The following DCC variants were observed in gnomAD, a reference collection of about 807,000 sequenced individuals.
DCC encodes the protein DCC netrin 1 receptor, also known as netrin receptor DCC.
In DCC, 58 loss-of-function variants were observed where a neutral mutation model predicts 172.5. The ratio of observed to expected loss-of-function variants is 0.34; its 90% CI spans 0.27 to 0.42. The LOEUF is 0.42. DCC is among the 10% of genes least tolerant of loss of function. The pLI is 1.00. For synonymous variants in DCC, 709 were observed against 644.5 expected (o/e 1.10, Z -1.52); for missense variants, 1,740 against 1,791.0 (o/e 0.97, Z 0.51).
intron 7 of DCC, among the ~76,000 whole-genome samples, chr18:53,081,473 A>G (rs1599108099): frequency 6.6e-6 from 1 of 151,890 alleles, no homozygotes; most frequent in Admixed American, 6.6e-5. Context: ...AGCAGTCTCT[A>G]TTGGGTATCA....
intron 1 of DCC, among the ~76,000 whole-genome samples, chr18:52,420,604 C>T (rs1987214836): frequency 6.6e-6 from 1 of 152,166 alleles, no homozygotes; most frequent in African/African-American, 2.4e-5. Context: ...AATCAATGAC[C>T]CAGACAAGGC....
intron 23 of DCC, among the ~76,000 whole-genome samples, chr18:53,454,254 G>A (rs972319251): frequency 6.6e-6 from 1 of 152,116 alleles, no homozygotes; most frequent in Non-Finnish European, 1.5e-5. Flanking sequence ...CTGAGGTTGG[G>A]GGATCACTTA....
chr18:52,565,139 A>G (rs1479296673), intron 1 of DCC, among the ~76,000 whole-genome samples: 2 of 152,070 alleles, frequency 1.3e-5, no homozygotes, highest in Non-Finnish European at 2.9e-5. Flanking sequence ...ATGTACTTTT[A>G]AACATTTATA....
chr18:53,208,333 G>A (rs1447279523), intron 11 of DCC, among the ~76,000 whole-genome samples: 1 of 151,712 alleles, frequency 6.6e-6, no homozygotes, highest in African/African-American at 2.4e-5. Context: ...TCTTGAGTCA[G>A]TATATACTAA....
intron 5 of DCC, among the ~76,000 whole-genome samples, chr18:52,962,224 G>A (rs1348689373): frequency 2.6e-5 from 4 of 151,742 alleles, no homozygotes; most frequent in African/African-American, 7.3e-5. Context: ...CAAAGGGCTA[G>A]TATCCAGAAT....
At chr18:52,841,979 A>T (rs1050276176) in intron 2 of DCC, among the ~76,000 whole-genome samples, 1 of 144,436 alleles carries the variant, frequency 6.9e-6, no homozygotes, top group Non-Finnish European at 1.5e-5. Context: ...AAGTTTGAGG[A>T]TATTCCAGAA....
At chr18:52,361,647 G>A (rs777640577) in intron 1 of DCC, among the ~76,000 whole-genome samples, 2 of 152,200 alleles carry the variant, frequency 1.3e-5, no homozygotes, top group Non-Finnish European at 2.9e-5. Context: ...TCACATGAGA[G>A]CATATTAGAA....
chr18:53,233,538 T>C (rs1172882215), intron 12 of DCC, among the ~76,000 whole-genome samples: 1 of 152,138 alleles, frequency 6.6e-6, no homozygotes, highest in African/African-American at 2.4e-5. Context: ...AAGGTCAACA[T>C]ATTTATCATA....
intron 5 of DCC, among the ~76,000 whole-genome samples, chr18:52,971,399 T>C (rs1041268547): frequency 2.6e-5 from 4 of 152,230 alleles, no homozygotes; most frequent in Admixed American, 2.0e-4. Flanking sequence ...GTTAGTAGAA[T>C]TGGCATCAGA....
chr18:52,664,714 G>A (rs1046737965), intron 1 of DCC, among the ~76,000 whole-genome samples: 8 of 151,592 alleles, frequency 5.3e-5, no homozygotes, highest in East Asian at 1.9e-4. Flanking sequence ...CTCGTGATCC[G>A]CCCGCCTCGG....
At chr18:52,608,865 C>T (rs984957390) in intron 1 of DCC, among the ~76,000 whole-genome samples, 17 of 152,074 alleles carry the variant, frequency 1.1e-4, no homozygotes, top group Non-Finnish European at 2.2e-4. Context: ...TGCCATCTGC[C>T]CTGAGATATG....
intron 1 of DCC, among the ~76,000 whole-genome samples, chr18:52,597,607 C>T (rs1192144861): frequency 2.6e-5 from 4 of 152,252 alleles, no homozygotes; most frequent in African/African-American, 7.2e-5. Context: ...CCCTTGGCAT[C>T]GGGTGCCAAA....
At chr18:52,791,012 T>G (rs915353722) in intron 2 of DCC, among the ~76,000 whole-genome samples, 2 of 152,080 alleles carry the variant, frequency 1.3e-5, no homozygotes, top group Non-Finnish European at 2.9e-5. Flanking sequence ...GGTTAAGAGC[T>G]AAGGTGGCGG....
chr18:53,131,229 GA>G (rs892308678), intron 7 of DCC, among the ~76,000 whole-genome samples: 1 of 151,892 alleles, frequency 6.6e-6, no homozygotes, highest in African/African-American at 2.4e-5. Flanking sequence ...TACTATCTTT[GA>G]AAAAAATACA....
rs115403125 is a variant in DCC at position 53,278,292 on chromosome 18, A to T, written c.1912-27286A>T. Among the ~76,000 whole-genome samples the T allele has an allele frequency of 1.6e-3, 248 of 152,236 alleles. 2 individuals are homozygous for T. Among genetic ancestry groups the T allele is most frequent in the African/African-American group, 5.3e-3 (220 of 41,564 alleles). ...CTAGAAAAGACTAGAATTTTCCTTT[A>T]TATGGAAAGAAATATTTTCTTTCAG... On this transcript the variant is annotated intron_variant, in intron 12 of 28. Transcript: ENST00000442544.
chr18:53,380,417 T>C (rs1018099347), intron 15 of DCC, among the ~76,000 whole-genome samples: 4 of 152,170 alleles, frequency 2.6e-5, no homozygotes, highest in Admixed American at 2.0e-4. Context: ...ATCAAAGCAC[T>C]ATAGCCCACT....
chr18:52,918,041 G>A (rs988744225), intron 3 of DCC, among the ~76,000 whole-genome samples: 8 of 151,874 alleles, frequency 5.3e-5, no homozygotes, highest in African/African-American at 1.5e-4. Context: ...TAGGACCCAC[G>A]CTTATATTTT....
chr18:52,671,806 G>A (rs74624319), intron 1 of DCC, among the ~76,000 whole-genome samples: 5,432 of 151,968 alleles, frequency 0.036, 159 homozygotes, highest in East Asian at 0.16. Context: ...AAATTTCCAG[G>A]ATTACAGGCA....
intron 2 of DCC, among the ~76,000 whole-genome samples, chr18:52,840,289 A>G (rs1472678908): frequency 1.3e-5 from 2 of 152,164 alleles, no homozygotes; most frequent in African/African-American, 2.4e-5. Flanking sequence ...CTGAACAAAC[A>G]TTTTATCTGA....
Sources: allele counts gnomAD v4.1 joint callset (sites outside exome capture counted in the v4.1 genomes callset), GRCh38; gene constraint gnomAD v4.1.1; transcripts MANE v1.5; gene names NCBI Gene and HGNC (gene_info 2026-07-23, HGNC 2026-07-21).